The following SEC16A variants were observed in gnomAD, a reference collection of about 807,000 sequenced individuals.
SEC16A encodes the protein SEC16 homolog A, endoplasmic reticulum export factor, also known as protein transport protein Sec16A.
In SEC16A, 110 loss-of-function variants were observed where a neutral mutation model predicts 221.9. The observed-to-expected ratio is 0.50, with a 90% confidence interval of 0.42 to 0.58. The LOEUF is 0.58. SEC16A is among the 20% of genes least tolerant of loss of function. SEC16A has a pLI of 0.00. For synonymous variants in SEC16A, 1,393 were observed against 1,257.7 expected (o/e 1.11, Z -2.28); for missense variants, 3,165 against 3,097.8 (o/e 1.02, Z -0.52).
chr9:136,475,231 G>T lies in SEC16A; in HGVS notation c.2385C>A (p.Pro795=), dbSNP rs764084013. 1.2e-6 allele frequency: 2 copies of T among 1,613,636 alleles called. No individual in the cohort carries two copies. The highest frequency in any genetic ancestry group is 1.7e-6 in the Non-Finnish European group (2 of 1,179,862). Residue 795 remains proline, a synonymous_variant, in exon 3 of 32, where the codon CCC becomes CCA. Transcript: ENST00000684901. The surrounding 1 kb of genome is among the most constrained non-coding windows in gnomAD (Gnocchi z 5.0). ...IGASENLENP[P]KMGEEEALQS... is the part of the protein sequence containing the mutation. ...GAAGGGCCTCCTCCTCTCCCATTTT[G>T]GGAGGATTCTCAAGGTTCTCAGAAG...
chr9:136,475,272 G>C lies in SEC16A; in HGVS notation c.2344C>G (p.Arg782Gly), dbSNP rs758756567. Residue 782 changes from arginine (R) to glycine (G), a missense_variant, in exon 3 of 32, where the codon CGA becomes GGA. Arg to Gly is a moderately radical substitution (Grantham distance 125). Coordinates refer to ENST00000684901, the MANE Select transcript of SEC16A (RefSeq NM_014866.2). The surrounding 1 kb of genome is among the most constrained non-coding windows in gnomAD (Gnocchi z 5.0). Reference sequence around the variant, plus strand: ...TTCTCAGAAGCACCAATGCCACCTCGGCTCTGCACCGGGGCCGCCGAGCTT... The same window carrying C: ...TTCTCAGAAGCACCAATGCCACCTCCGCTCTGCACCGGGGCCGCCGAGCTT... ...NPSSAAPVQS[R>G]GGIGASENLE... 1.9e-6 allele frequency: 3 copies of C among 1,613,474 alleles called. No homozygotes were observed. In the South Asian group the frequency reaches 3.3e-5, roughly 18 times the overall value.
chr9:136,453,081 A>C (rs1437293350), intron 22 of SEC16A, among the ~76,000 whole-genome samples: 1 of 98,216 alleles, frequency 1.0e-5, no homozygotes, highest in African/African-American at 2.9e-5. Context: ...AAAAAAAAAA[A>C]AAGAAAAAAA....
Position 136,443,889 on chromosome 9 carries a change from G to T in SEC16A, c.6939C>A (p.Asp2313Glu), listed in dbSNP as rs1365684335. 2.5e-6 allele frequency: 4 copies of T among 1,609,750 alleles called. No individual in the cohort carries two copies. The African/African-American group carries it at 5.4e-5, about 22-fold the overall frequency. ...TGGGAGGGCCCCCTGCAGCAGGGAG[G>T]TCGCCAGGAGCCTGAGAAGCACAGA... ...VSQHFNQAPG[D>E]LPAAGGPPSG... Residue 2313 changes from aspartate (D) to glutamate (E), a missense_variant, in exon 31 of 32, where the codon GAC becomes GAA. By Grantham distance (45) the Asp-to-Glu change is conservative. Coordinates refer to ENST00000684901, the MANE Select transcript of SEC16A (RefSeq NM_014866.2).
In SEC16A at chr9:136,451,303, T is replaced by G. The variant is rs768702938; in HGVS notation, c.6265A>C (p.Lys2089Gln). The G allele has an allele frequency of 6.2e-7, 1 of 1,613,432 alleles. No individual in the cohort carries two copies. The highest frequency in any genetic ancestry group is 8.5e-7 in the Non-Finnish European group (1 of 1,179,682). The change falls in exon 23 of 32, where the codon AAG (lysine) becomes CAG (glutamine). Residue 2089 changes from lysine to glutamine, a missense_variant. Physicochemically the swap from Lys to Gln is moderately conservative, Grantham distance 53. Transcript: ENST00000684901. ...TTCTTGGCTGCCTGTCCGGGTCTCT[T>G]TGTTTCGGGAGCGGGTGAGAGAGAC... is the stretch of plus-strand genomic sequence containing the variant. The part of the protein sequence containing the change: ...PLSLSPAPET[K>Q]RPGQAAKKET...
Position 136,451,241 on chromosome 9 carries a change from G to C in SEC16A, c.6312+15C>G. On this transcript the variant is annotated intron_variant, in intron 23 of 31. Transcript: ENST00000684901. Reference sequence around the variant, plus strand: ...CCTCCCGGCCGCCAGGCGCACCGTGGGCAGGCTGTACTACCTTCTTAGGTT... The same window carrying C: ...CCTCCCGGCCGCCAGGCGCACCGTGCGCAGGCTGTACTACCTTCTTAGGTT... 6.2e-7 allele frequency: 1 copy of C among 1,607,194 alleles called. No homozygotes were observed. Among genetic ancestry groups the C allele is most frequent in the Non-Finnish European group, 8.5e-7 (1 of 1,176,792 alleles).
In SEC16A at chr9:136,447,490, G is replaced by A. The variant is rs986314204; in HGVS notation, c.6559+79C>T. On this transcript the variant is annotated intron_variant, in intron 26 of 31. Coordinates refer to ENST00000684901, the MANE Select transcript of SEC16A (RefSeq NM_014866.2). The surrounding 1 kb of genome is among the most constrained non-coding windows in gnomAD (Gnocchi z 5.5). Reference sequence around the variant, plus strand: ...GTGCGGGAAGCCACCTCCTCCCCACGCACAACAGCTACACATTGGCCTCTC... The same window carrying A: ...GTGCGGGAAGCCACCTCCTCCCCACACACAACAGCTACACATTGGCCTCTC... 29 of 1,534,386 alleles carry A rather than the reference G, an allele frequency of 1.9e-5. No homozygotes were observed. The highest frequency in any genetic ancestry group is 9.1e-5 in the Admixed American group (5 of 54,788).
In SEC16A at chr9:136,475,787, G is replaced by C; in HGVS notation, c.1829C>G (p.Ser610Cys). The change falls in exon 3 of 32, where the codon TCT becomes TGT. Residue 610 changes from serine (S) to cysteine (C), a missense_variant. Physicochemically the swap from Ser to Cys is moderately radical, Grantham distance 112. Around this residue, in one of 3 missense-constraint regions of SEC16A, gnomAD observed 2,030 missense variants for 1,923.1 expected, o/e 1.06. Coordinates refer to ENST00000684901, the MANE Select transcript of SEC16A (RefSeq NM_014866.2). This position sits in a 1 kb window ranked among gnomAD's most constrained non-coding sequence, Gnocchi z 5.0. ...TAAGTGAGATTTTACCGGTTCGAAA[G>C]AACTATTTGCACTTGTCTGAAATAT... The part of the protein sequence containing the change: ...TGIFQTSANS[S>C]FEPVKSHLVG... 1.3e-6 allele frequency: 2 copies of C among 1,592,378 alleles called. No homozygotes were observed.
At chr9:136,451,117 T>TG (rs1837728694) in intron 23 of SEC16A, 139 bp downstream of exon 23, 1 of 838,042 alleles carries the variant, frequency 1.2e-6, no homozygotes, top group Admixed American at 2.5e-5. Flanking sequence ...CATCATGCCG[T>TG]GTGCACTGTA....
chr9:136,464,620 C>T (rs981888192), intron 8 of SEC16A, 58 bp from the exon 9 acceptor site: 3 of 1,484,424 alleles, frequency 2.0e-6, no homozygotes, highest in South Asian at 1.2e-5. Flanking sequence ...GCTTCTGAGC[C>T]TAGATTTTCA....
chr9:136,482,078 T>A (rs565248369), intron 1 of SEC16A, among the ~76,000 whole-genome samples: 16 of 152,258 alleles, frequency 1.1e-4, no homozygotes, highest in Non-Finnish European at 1.9e-4. Flanking sequence ...CTATTAACAG[T>A]AAACGAGGAA....
Position 136,456,060 on chromosome 9 carries a change from T to G in SEC16A, c.5657A>C (p.Gln1886Pro). 4 of 1,611,802 alleles carry G rather than the reference T, an allele frequency of 2.5e-6. No homozygotes were observed. Among genetic ancestry groups the G allele is most frequent in the Non-Finnish European group, 3.4e-6 (4 of 1,178,512 alleles). ...CCCAAGCCAAGGCTGTACCTTAATC[T>G]GCCGCTCCACCTGCTGCAGGTGAAC... The part of the protein sequence containing the change: ...WLVHLQQVER[Q>P]IKEGAGVWHQ... Residue 1886 changes from glutamine to proline, a missense_variant, in exon 19 of 32, where the codon CAG (glutamine) becomes CCG (proline). Around this residue, in one of 3 missense-constraint regions of SEC16A, gnomAD observed 1,088 missense variants for 1,089.6 expected, o/e 1.00. Transcript: ENST00000684901.
At chr9:136,443,464 C>T (rs1414022868) in intron 31 of SEC16A, among the ~76,000 whole-genome samples, 2 of 152,184 alleles carry the variant, frequency 1.3e-5, no homozygotes, top group Non-Finnish European at 2.9e-5. Flanking sequence ...GTGGGAAGAT[C>T]GCTTGAGCCT....
At position 136,476,366 on chromosome 9, in the gene SEC16A, T is replaced by A. The variant is rs1239633284; in HGVS notation, c.1250A>T (p.His417Leu). 2 of 1,612,734 alleles carry A rather than the reference T, an allele frequency of 1.2e-6. No individual in the cohort carries two copies. Among genetic ancestry groups the A allele is most frequent in the Non-Finnish European group, 8.5e-7 (1 of 1,179,858 alleles). The change falls in exon 3 of 32, where the codon CAC (histidine) becomes CTC (leucine). Residue 417 changes from histidine (H) to leucine (L), a missense_variant. Transcript: ENST00000684901. ...CTGGCAGAGGCTGCCTGCCCCCACGTGTGTAGGTGCGGGCGGACGGCCTAG... is the reference window on the plus strand; with the variant it reads ...CTGGCAGAGGCTGCCTGCCCCCACGAGTGTAGGTGCGGGCGGACGGCCTAG... ...PGLGRPPAPTHVGAGSLCQAL... is the reference protein window; with the variant it reads ...PGLGRPPAPTLVGAGSLCQAL...
chr9:136,458,402 G>A (rs1839006240), intron 17 of SEC16A, among the ~76,000 whole-genome samples: 1 of 144,150 alleles, frequency 6.9e-6, no homozygotes. Flanking sequence ...GCTGAGGTGG[G>A]CAGATCACAA....
chr9:136,477,969 C>T (rs1361022837), intron 2 of SEC16A, among the ~76,000 whole-genome samples: 1 of 152,146 alleles, frequency 6.6e-6, no homozygotes, highest in Non-Finnish European at 1.5e-5. Context: ...TCACAGGGCC[C>T]ATTGCTGCCG....
At position 136,459,665 on chromosome 9, in the gene SEC16A, C is replaced by T. The variant is rs1564489155; in HGVS notation, c.5191+92G>A. 7 of 1,379,840 alleles carry T rather than the reference C, an allele frequency of 5.1e-6. No homozygotes were observed. The highest frequency in any genetic ancestry group is 1.4e-5 in the African/African-American group (1 of 69,582). The allele number at this position is 1,379,840 out of a possible 1,614,324, so 85.5% of individuals were successfully genotyped here. A position where few individuals can be genotyped will look rare whatever the true frequency, so the allele number is the denominator to read the frequency against. ...GAGACGCCAGCCGGACCGAGAAGGCCGGGTTCTGGTGATTTCTGCCAACGC... is the reference window on the plus strand; with the variant it reads ...GAGACGCCAGCCGGACCGAGAAGGCTGGGTTCTGGTGATTTCTGCCAACGC... On this transcript the variant is annotated intron_variant, in intron 15 of 31. Transcript: ENST00000684901. This position sits in a 1 kb window ranked among gnomAD's most constrained non-coding sequence, Gnocchi z 6.1.
Position 136,475,233 on chromosome 9 carries a change from G to T in SEC16A, c.2383C>A (p.Pro795Thr). The change falls in exon 3 of 32, where the codon CCC (proline) becomes ACC (threonine). Residue 795 changes from proline to threonine, a missense_variant. This residue lies in a region of SEC16A where 2,030 missense variants were observed against 1,923.1 expected (regional missense o/e 1.06). Coordinates refer to ENST00000684901, the MANE Select transcript of SEC16A (RefSeq NM_014866.2). The surrounding 1 kb of genome is among the most constrained non-coding windows in gnomAD (Gnocchi z 5.0). ...AGGGCCTCCTCCTCTCCCATTTTGG[G>T]AGGATTCTCAAGGTTCTCAGAAGCA... ...IGASENLENP[P>T]KMGEEEALQS... 1 of 1,613,700 alleles carries T rather than the reference G, an allele frequency of 6.2e-7. No individual in the cohort carries two copies. The highest frequency in any genetic ancestry group is 1.3e-5 in the African/African-American group (1 of 75,046).
rs372888287 is a variant in SEC16A at position 136,472,025 on chromosome 9, G to A, written c.3654C>T (p.Pro1218=). The A allele has an allele frequency of 2.6e-5, 42 of 1,611,978 alleles. No individual in the cohort carries two copies. The Middle Eastern group carries it at 8.2e-4, about 32-fold the overall frequency. ...AYAQNYRYPE[P]ERPSSRASHS... is the part of the protein sequence containing the mutation. Reference sequence around the variant, plus strand: ...GGCTGGCTCGGGAGCTGGGCCGCTCGGGCTCGGGATAGCGGTAGTTCTGGG... The same window carrying A: ...GGCTGGCTCGGGAGCTGGGCCGCTCAGGCTCGGGATAGCGGTAGTTCTGGG... The change falls in exon 4 of 32, where the codon CCC becomes CCT. Residue 1218 remains proline (P), a synonymous_variant. Coordinates refer to ENST00000684901, the MANE Select transcript of SEC16A (RefSeq NM_014866.2).
In SEC16A at chr9:136,475,677, G is replaced by C. The variant is rs753053908; in HGVS notation, c.1939C>G (p.Pro647Ala). ...GAAGCATCGGGCAGGGCGGCAGCTG[G>C]TCTGCACTGCTTCTGGCGGACACAG... ...ETCVRQKQCR[P>A]AAALPDASPG... The change falls in exon 3 of 32, where the codon CCA (proline) becomes GCA (alanine). Residue 647 changes from proline to alanine, a missense_variant. Coordinates refer to ENST00000684901, the MANE Select transcript of SEC16A (RefSeq NM_014866.2). This position sits in a 1 kb window ranked among gnomAD's most constrained non-coding sequence, Gnocchi z 5.0. The C allele has an allele frequency of 2.0e-5, 32 of 1,613,630 alleles. No individual in the cohort carries two copies. The highest frequency in any genetic ancestry group is 2.5e-5 in the Non-Finnish European group (29 of 1,179,844).
Sources: allele counts gnomAD v4.1 joint callset (sites outside exome capture counted in the v4.1 genomes callset), GRCh38; gene constraint gnomAD v4.1.1; regional missense constraint gnomAD v4.1.1; non-coding constraint Gnocchi (gnomAD v3.1); transcripts MANE v1.5; gene names NCBI Gene and HGNC (gene_info 2026-07-23, HGNC 2026-07-21).